The following ATP7A variants were observed in gnomAD, a reference collection of about 807,000 sequenced individuals.
ATP7A encodes the protein copper-transporting ATPase 1.
ATP7A carries 7 observed loss-of-function variants against 83.5 expected under a neutral mutation model. The ratio of observed to expected loss-of-function variants is 0.08; its 90% confidence interval spans 0.05 to 0.16. The LOEUF (loss-of-function observed/expected upper bound fraction) is 0.16, where lower values mean the gene tolerates loss of function less well. ATP7A is among the 10% of genes least tolerant of loss of function. The pLI is 1.00. For missense variants in ATP7A, 940 were observed against 1,120.8 expected (o/e 0.84, Z 2.30); for synonymous variants, 354 against 395.2 (o/e 0.90, Z 1.24).
intron 1 of ATP7A, among the ~76,000 whole-genome samples, chrX:77,931,268 G>A (rs1308247643): frequency 1.8e-5 from 2 of 109,572 alleles, no homozygotes; most frequent in Non-Finnish European, 3.8e-5. Flanking sequence ...ATCTTGCACC[G>A]CCCTTAATCC....
chrX:78,010,690 C>T (rs1175842141), intron 7 of ATP7A, among the ~76,000 whole-genome samples: 2 of 104,243 alleles, frequency 1.9e-5, no homozygotes, highest in East Asian at 6.2e-4. Flanking sequence ...AGCGATTCTC[C>T]TGTCTCAGCT....
chrX:78,033,425 A>G (rs1217774770), intron 16 of ATP7A, among the ~76,000 whole-genome samples, 180 bp from the exon 17 acceptor site: 1 of 113,104 alleles, frequency 8.8e-6, no homozygotes, highest in African/African-American at 3.2e-5. Context: ...CTCTTCTGTA[A>G]CTTTGAATGT....
chrX:77,915,101 G>A (rs1036514414), intron 1 of ATP7A, among the ~76,000 whole-genome samples: 21 of 111,672 alleles, frequency 1.9e-4, no homozygotes, highest in Non-Finnish European at 3.4e-4. Flanking sequence ...GATTGCTTGA[G>A]CCCAGGCGTT....
chrX:77,911,479 C>T (rs2077159456), intron 1 of ATP7A, among the ~76,000 whole-genome samples: 1 of 111,071 alleles, frequency 9.0e-6, no homozygotes, highest in Non-Finnish European at 1.9e-5. Context: ...ATTTTAATCA[C>T]AGACTCTTTA....
intron 4 of ATP7A, 21 bp downstream of exon 4, chrX:77,989,979 G>T (rs1303040500): frequency 2.5e-6 from 3 of 1,207,032 alleles, no homozygotes; most frequent in Non-Finnish European, 3.4e-6. Context: ...TTTTTTCTTT[G>T]ATTACCCTAA....
chrX:77,974,031 A>G (rs1016093850), intron 2 of ATP7A, among the ~76,000 whole-genome samples: 4 of 111,533 alleles, frequency 3.6e-5, no homozygotes, highest in African/African-American at 1.3e-4. Context: ...GTTCATTATG[A>G]GGTTTTTATA....
chrX:77,978,273 A>G (rs1051523655), intron 2 of ATP7A, among the ~76,000 whole-genome samples: 1 of 110,394 alleles, frequency 9.1e-6, no homozygotes, highest in East Asian at 2.8e-4. Context: ...CTATTTGGCT[A>G]TAGGTGGTTC....
chrX:77,934,926 C>T (rs2077311920), intron 1 of ATP7A, among the ~76,000 whole-genome samples: 1 of 107,114 alleles, frequency 9.3e-6, no homozygotes, highest in South Asian at 4.2e-4. Flanking sequence ...TAGTGTCAGC[C>T]CCCAGAGTAG....
chrX:77,920,098 T>C (rs1382196580), intron 1 of ATP7A, among the ~76,000 whole-genome samples: 1 of 111,502 alleles, frequency 9.0e-6, no homozygotes, highest in Non-Finnish European at 1.9e-5. Context: ...TGGGGTACAA[T>C]TGATCCTGGC....
Position 78,041,065 on chromosome X carries a change from G to A in ATP7A, c.3801+332G>A, listed in dbSNP as rs2078044389. On this transcript the variant is annotated intron_variant, in intron 19 of 22. Coordinates refer to ENST00000341514, the MANE Select transcript of ATP7A (RefSeq NM_000052.7). ...CTCCTGATCTCATGCCTGAAACACA[G>A]CAATAGCTCCACACACATCCCTCTC... 2.7e-5 allele frequency among the ~76,000 whole-genome samples: 3 copies of A among 110,910 alleles called. 1 individual carries two copies. In the South Asian group the frequency reaches 1.1e-3, roughly 42 times the overall value.
intron 14 of ATP7A, among the ~76,000 whole-genome samples, chrX:78,025,768 TG>T (rs2077939576): frequency 9.0e-6 from 1 of 110,799 alleles, no homozygotes; most frequent in African/African-American, 3.3e-5. Flanking sequence ...TGGAAGTGAT[TG>T]AGAGCCTATT....
intron 1 of ATP7A, chrX:77,924,177 A>G (rs1481719893): frequency 8.9e-6 from 1 of 111,908 alleles, no homozygotes; most frequent in East Asian, 2.8e-4. Context: ...TAACTAAGAA[A>G]GCACAACCAC....
rs2078095180 is a variant in ATP7A, at chrX:78,048,552, C to A, written c.*1982C>A. The A allele has an allele frequency of 8.9e-6, 1 of 111,734 alleles. No individual in the cohort carries two copies. Among genetic ancestry groups the A allele is most frequent in the Admixed American group, 9.6e-5 (1 of 10,456 alleles). 9.2% of individuals were successfully genotyped at this position (111,734 alleles called of 1,213,427 possible). ...ACATGCAAAGTTTACAACCTTATTC[C>A]ATGCTGTCTTTCAGATTTAGAAAAG... On this transcript the variant is annotated 3_prime_UTR_variant, in exon 23 of 23. Coordinates refer to ENST00000341514, the MANE Select transcript of ATP7A (RefSeq NM_000052.7).
intron 14 of ATP7A, among the ~76,000 whole-genome samples, chrX:78,026,076 C>T (rs782138812): frequency 8.9e-6 from 1 of 111,752 alleles, no homozygotes; most frequent in African/African-American, 3.2e-5. Context: ...GGAACAAAAA[C>T]TCATATATCA....
intron 4 of ATP7A, among the ~76,000 whole-genome samples, chrX:77,996,647 C>G (rs1297286098): frequency 7.2e-5 from 8 of 111,280 alleles, no homozygotes; most frequent in African/African-American, 2.6e-4. Flanking sequence ...AAGGGACTAC[C>G]TCTTATGACT....
Position 78,031,580 on chromosome X carries a change from C to A in ATP7A, c.3292C>A (p.Gln1098Lys). The A allele has an allele frequency of 2.5e-6, 3 of 1,208,146 alleles. No individual in the cohort carries two copies. In the East Asian group the frequency reaches 8.9e-5, roughly 36 times the overall value. The change falls in exon 16 of 23, where the codon CAG becomes AAG. Residue 1098 changes from glutamine to lysine, a missense_variant and splice_region_variant. Around this residue, in one of 3 missense-constraint regions of ATP7A, gnomAD observed 386 missense variants for 502.2 expected, o/e 0.77. Transcript: ENST00000341514. ...LGTAITKYCKQELDTETLGTC... is the reference protein window; with the variant it reads ...LGTAITKYCKKELDTETLGTC... ...AACAGCCATAACCAAATATTGCAAA[C>A]AGGTACATTTTTTTCCTCTTGTTTA...
chrX:77,972,042 T>A (rs782676958), intron 2 of ATP7A, among the ~76,000 whole-genome samples: 7 of 111,981 alleles, frequency 6.3e-5, no homozygotes, highest in Admixed American at 5.7e-4. Context: ...ATTTATATAC[T>A]GTTTATTACT....
chrX:77,944,594 G>A (rs1422013224), intron 1 of ATP7A, among the ~76,000 whole-genome samples: 4 of 109,629 alleles, frequency 3.6e-5, no homozygotes, highest in African/African-American at 1.3e-4. Flanking sequence ...ACCACGCTCA[G>A]ATAATTTTTT....
chrX:77,969,119 G>A, intron 1 of ATP7A: 1 of 1,211,618 alleles, frequency 8.3e-7, no homozygotes. Context: ...TCCTTGATCT[G>A]GGGAACTATT....
Sources: allele counts gnomAD v4.1 joint callset (sites outside exome capture counted in the v4.1 genomes callset), GRCh38; gene constraint gnomAD v4.1.1; regional missense constraint gnomAD v4.1.1; transcripts MANE v1.5; gene names NCBI Gene and HGNC (gene_info 2026-07-23, HGNC 2026-07-21).